The following MTERF4 variants were observed in gnomAD, a reference collection of about 807,000 sequenced individuals.
MTERF4 encodes the protein mitochondrial transcription termination factor 4.
MTERF4 carries 17 observed loss-of-function variants against 22.5 expected under a neutral mutation model. The observed-to-expected ratio is 0.75, with a 90% CI of 0.52 to 1.13. MTERF4 has a LOEUF of 1.13. Ranked by LOEUF, MTERF4 falls within the 50% of genes most tolerant of loss-of-function variation. The pLI is 0.00. For synonymous variants in MTERF4, 165 were observed against 175.3 expected (o/e 0.94, Z 0.47); for missense variants, 420 against 466.8 (o/e 0.90, Z 0.92).
At chr2:241,067,106 G>A in the MTERF4 span, among the ~76,000 whole-genome samples, 1 of 152,238 alleles carries the variant, frequency 6.6e-6, no homozygotes, top group African/African-American at 2.4e-5. Flanking sequence ...GGTATCTGGA[G>A]TGAAGACAGA....
chr2:241,087,239 A>C (rs764499686), downstream of MTERF4: 2 of 623,950 alleles, frequency 3.2e-6, no homozygotes, highest in Non-Finnish European at 5.7e-6. Context: ...TAGACATTTT[A>C]ATACATCAAT....
In MTERF4 at chr2:241,096,734, G is replaced by A. The variant is rs1328285091; in HGVS notation, c.706-296C>T. ...TTTTTCTTTAAATGGGGAAGGAAAA[G>A]GATGAATATGGAAAGAATAGGCAAA... is the stretch of plus-strand genomic sequence containing the variant. On this transcript the variant is annotated intron_variant, in intron 3 of 3. Transcript: ENST00000391980. This position sits in a 1 kb window ranked among gnomAD's most constrained non-coding sequence, Gnocchi z 5.1. 1.7e-6 allele frequency: 1 copy of A among 603,386 alleles called. No homozygotes were observed. Among genetic ancestry groups the A allele is most frequent in the Admixed American group, 2.4e-5 (1 of 41,814 alleles). The allele number at this position is 603,386 out of a possible 1,614,324, so 37.4% of individuals were successfully genotyped here. A position where few individuals can be genotyped will look rare whatever the true frequency, so the allele number is the denominator to read the frequency against.
intron 2 of MTERF4, among the ~76,000 whole-genome samples, chr2:241,097,814 A>T (rs2064524915): frequency 6.6e-6 from 1 of 152,232 alleles, no homozygotes; most frequent in Non-Finnish European, 1.5e-5. Context: ...GTTTGGGTTG[A>T]TGTTTCCTTC....
Position 241,073,295 on chromosome 2 carries a change from A to G in MTERF4, n.2867T>C, listed in dbSNP as rs1371481315. On this transcript the variant is annotated non_coding_transcript_exon_variant, in exon 5 of 5. Transcript: ENST00000464344. The surrounding 1 kb of genome is among the most constrained non-coding windows in gnomAD (Gnocchi z 6.6). The stretch of plus-strand genomic sequence containing the variant: ...CACAGCCTCGGCGCAGCTCGAGAAC[A>G]TGGAGGAAGCCCCCAAGCGGGTCAG... The G allele has an allele frequency of 1.3e-6, 2 of 1,567,758 alleles. No homozygotes were observed. The highest frequency in any genetic ancestry group is 2.4e-5 in the East Asian group (1 of 42,010).
At chr2:241,081,401 T>C (rs2302043) in intron 4 of MTERF4, among the ~76,000 whole-genome samples, 11,028 of 152,106 alleles carry the variant, frequency 0.073, 527 homozygotes, top group East Asian at 0.21. Context: ...CCCTCCTCCT[T>C]CTCCTCCTCC....
At chr2:241,082,418 C>T, downstream of MTERF4, 3 of 1,388,436 alleles carry the variant, frequency 2.2e-6, no homozygotes, top group Non-Finnish European at 3.1e-6. Context: ...TTCTTGACTC[C>T]TCAAAGTGCT....
chr2:241,049,074 C>T, the MTERF4 span: 1 of 1,613,592 alleles, frequency 6.2e-7, no homozygotes, highest in African/African-American at 1.3e-5. Flanking sequence ...ATGGGGGCTA[C>T]TGCATGGAGC....
downstream of MTERF4, chr2:241,071,478 G>A (rs1366083416): frequency 1.4e-6 from 2 of 1,408,554 alleles, no homozygotes; most frequent in Non-Finnish European, 1.9e-6. Flanking sequence ...CCTTCTCCAA[G>A]CACGGCTGAG....
chr2:241,090,138 A>G (rs552590950), downstream of MTERF4: 528 of 1,479,558 alleles, frequency 3.6e-4, no homozygotes, highest in Non-Finnish European at 4.5e-4. Context: ...ACAGCTTAAA[A>G]TACAAACACA....
At chr2:241,063,952 C>T in the MTERF4 span, 1 of 1,265,522 alleles carries the variant, frequency 7.9e-7, no homozygotes, top group African/African-American at 1.5e-5. Flanking sequence ...CCGCTGTCCT[C>T]TCCTCCCTCC....
downstream of MTERF4, chr2:241,088,690 G>A: frequency 2.2e-6 from 1 of 444,462 alleles, no homozygotes; most frequent in Non-Finnish European, 4.0e-6. Flanking sequence ...ATGTGGCCAA[G>A]AAACCCCTAG....
the MTERF4 span, among the ~76,000 whole-genome samples, chr2:241,044,803 T>C: frequency 3.9e-5 from 6 of 152,198 alleles, no homozygotes; most frequent in African/African-American, 1.4e-4. Context: ...GTTTTTCCCT[T>C]TGTCTGTCAT....
At chr2:241,076,297 T>C (rs546720810) in intron 4 of MTERF4, among the ~76,000 whole-genome samples, 36 of 152,346 alleles carry the variant, frequency 2.4e-4, no homozygotes, top group African/African-American at 8.4e-4. Context: ...ATATATGACA[T>C]TATGACTTAT....
At chr2:241,076,829 G>T (rs6736847) in intron 4 of MTERF4, among the ~76,000 whole-genome samples, 1 of 151,808 alleles carries the variant, frequency 6.6e-6, no homozygotes, top group African/African-American at 2.4e-5. Flanking sequence ...CAGTGGCTCA[G>T]GCCTGTAATC....
Position 241,075,536 on chromosome 2 carries a change from T to C in MTERF4, n.626A>G, listed in dbSNP as rs1015938107. On this transcript the variant is annotated non_coding_transcript_exon_variant, in exon 5 of 5. Transcript: ENST00000464344. The surrounding 1 kb of genome is among the most constrained non-coding windows in gnomAD (Gnocchi z 4.8). The stretch of plus-strand genomic sequence containing the variant: ...TCTGTGAAATGCCTGATCACGCCTT[T>C]TGACTTTATGTTGGGTTATTTGTAC... 1 of 152,226 alleles carries C rather than the reference T, an allele frequency of 6.6e-6. No homozygotes were observed. The highest frequency in any genetic ancestry group is 2.4e-5 in the African/African-American group (1 of 41,444). 9.4% of individuals were successfully genotyped at this position (152,226 alleles called of 1,614,324 possible).
At chr2:241,055,179 A>C in the MTERF4 span, among the ~76,000 whole-genome samples, 1 of 152,146 alleles carries the variant, frequency 6.6e-6, no homozygotes, top group Admixed American at 6.5e-5. Context: ...AGCTGAGATA[A>C]TCGGAGCCCA....
At chr2:241,053,937 G>A in the MTERF4 span, among the ~76,000 whole-genome samples, 1 of 152,206 alleles carries the variant, frequency 6.6e-6, no homozygotes, top group Non-Finnish European at 1.5e-5. Context: ...TGTGTGATGT[G>A]AGCTAGTTTT....
the MTERF4 span, among the ~76,000 whole-genome samples, chr2:241,053,825 C>A: frequency 1.3e-5 from 2 of 152,218 alleles, no homozygotes; most frequent in African/African-American, 4.8e-5. Flanking sequence ...AGCCTAGAGA[C>A]AAGGCTCCCT....
the MTERF4 span, among the ~76,000 whole-genome samples, chr2:241,058,019 G>A: frequency 6.6e-6 from 1 of 152,146 alleles, no homozygotes; most frequent in Non-Finnish European, 1.5e-5. Context: ...CCAGGTGAGA[G>A]ATTGCCAGAT....
Sources: allele counts gnomAD v4.1 joint callset (sites outside exome capture counted in the v4.1 genomes callset), GRCh38; gene constraint gnomAD v4.1.1; non-coding constraint Gnocchi (gnomAD v3.1); transcripts MANE v1.5; gene names NCBI Gene and HGNC (gene_info 2026-07-23, HGNC 2026-07-21).